The following CNTNAP2 variants were observed in gnomAD, a reference collection of about 807,000 sequenced individuals.
CNTNAP2 encodes contactin-associated protein-like 2.
In CNTNAP2, 98 loss-of-function variants were observed where a neutral mutation model predicts 155.2. The ratio of observed to expected loss-of-function variants is 0.63; its 90% CI spans 0.54 to 0.75. The LOEUF (loss-of-function observed/expected upper bound fraction) is 0.75. Among genes scored for constraint, CNTNAP2 ranks in the 30% least tolerant of loss-of-function variants. The pLI, the probability that CNTNAP2 is intolerant of heterozygous loss-of-function variation, is 0.00. For missense variants in CNTNAP2, 1,727 were observed against 1,688.1 expected, an observed-to-expected ratio of 1.02 and a Z score of -0.40; for synonymous variants, 651 against 631.2, an observed-to-expected ratio of 1.03 and a Z score of -0.47.
chr7:147,587,799 G>A (rs2116838367), intron 12 of CNTNAP2, among the ~76,000 whole-genome samples: 1 of 152,178 alleles, frequency 6.6e-6, no homozygotes, highest in African/African-American at 2.4e-5. Context: ...CCTGGCATTT[G>A]TTTTTAAAAA....
intron 1 of CNTNAP2, among the ~76,000 whole-genome samples, chr7:146,179,554 T>C (rs1387614232): frequency 6.6e-6 from 1 of 152,084 alleles, no homozygotes; most frequent in African/African-American, 2.4e-5. Flanking sequence ...CACACACAAA[T>C]AGCATGTTTT....
chr7:146,799,676 C>A (rs561260938), intron 2 of CNTNAP2, among the ~76,000 whole-genome samples: 1 of 152,270 alleles, frequency 6.6e-6, no homozygotes, highest in East Asian at 1.9e-4. Flanking sequence ...GCAGCTGACT[C>A]CTCCACACAA....
intron 2 of CNTNAP2, among the ~76,000 whole-genome samples, chr7:146,795,912 C>T (rs1356201352): frequency 6.6e-6 from 1 of 152,096 alleles, no homozygotes; most frequent in Non-Finnish European, 1.5e-5. Flanking sequence ...TGTCCATAAA[C>T]ATCATCACTG....
chr7:147,424,990 A>G (rs545869300), intron 10 of CNTNAP2, among the ~76,000 whole-genome samples: 1 of 152,218 alleles, frequency 6.6e-6, no homozygotes, highest in East Asian at 1.9e-4. Context: ...GACTGCTGCA[A>G]TAACCTTCCA....
chr7:146,122,248 T>C (rs978180103), intron 1 of CNTNAP2, among the ~76,000 whole-genome samples: 2 of 152,230 alleles, frequency 1.3e-5, no homozygotes, highest in Non-Finnish European at 2.9e-5. Context: ...TAGATAAAAG[T>C]AGGCTTTGCC....
rs373565086 is a variant in CNTNAP2, at chr7:148,239,082, C to G, written c.3381+9303C>G. On this transcript the variant is annotated intron_variant, in intron 20 of 23. Transcript: ENST00000361727. ...ATTTACTGTAACTCCTTCCCTTTGG[C>G]TAATTTAGTTTTTATCTACTCTGGA... Among the ~76,000 whole-genome samples the G allele has an allele frequency of 4.9e-4, 74 of 152,278 alleles. 1 individual carries two copies. Among genetic ancestry groups the G allele is most frequent in the African/African-American group, 1.3e-3 (54 of 41,566 alleles).
At chr7:147,148,394 A>G (rs1801755289) in intron 8 of CNTNAP2, among the ~76,000 whole-genome samples, 1 of 149,998 alleles carries the variant, frequency 6.7e-6, no homozygotes, top group African/African-American at 2.5e-5. Context: ...CGTCTCAAAA[A>G]AAAAAAAAAA....
At chr7:148,022,126 A>G (rs1802289352) in intron 15 of CNTNAP2, among the ~76,000 whole-genome samples, 1 of 151,984 alleles carries the variant, frequency 6.6e-6, no homozygotes, top group Non-Finnish European at 1.5e-5. Context: ...CAAGTATTAT[A>G]TGTAAACCTG....
Position 148,096,566 on chromosome 7 carries a change from T to C in CNTNAP2, c.2384-21552T>C, listed in dbSNP as rs34943587. 5.1e-3 allele frequency among the ~76,000 whole-genome samples: 769 copies of C among 152,200 alleles called. 4 individuals carry two copies. Among genetic ancestry groups the C allele is most frequent in the Non-Finnish European group, 8.3e-3 (567 of 67,998 alleles). On this transcript the variant is annotated intron_variant, in intron 15 of 23. Transcript: ENST00000361727. The stretch of plus-strand genomic sequence containing the variant: ...GAATATTCATGAAGCCACCACGTCA[T>C]AAAGGTTTGGTTGATGAATAGTGAG...
chr7:147,455,173 C>T (rs1391985827), intron 10 of CNTNAP2, among the ~76,000 whole-genome samples: 1 of 152,078 alleles, frequency 6.6e-6, no homozygotes, highest in East Asian at 1.9e-4. Context: ...ACTTGATTCA[C>T]CAAAGCTTCT....
In CNTNAP2 at chr7:146,916,112, T is replaced by C. The variant is rs141133367; in HGVS notation, c.402+76208T>C. ...CATTTTAAATTCTGTTTATGTGGTA[T>C]ATCACATTTATTGACTTGTTGATGT... On this transcript the variant is annotated intron_variant, in intron 3 of 23. Coordinates refer to ENST00000361727, the MANE Select transcript of CNTNAP2 (RefSeq NM_014141.6). 2.4e-3 allele frequency among the ~76,000 whole-genome samples: 368 copies of C among 152,278 alleles called. 1 individual carries two copies. The highest frequency in any genetic ancestry group is 7.3e-3 in the African/African-American group (304 of 41,586).
intron 4 of CNTNAP2, among the ~76,000 whole-genome samples, chr7:147,068,935 G>T (rs1799837307): frequency 6.6e-6 from 1 of 152,200 alleles, no homozygotes; most frequent in African/African-American, 2.4e-5. Flanking sequence ...TTGGCTCATG[G>T]TTCTGCAGGC....
At chr7:146,838,402 C>G (rs1364489858) in intron 2 of CNTNAP2, among the ~76,000 whole-genome samples, 1 of 152,206 alleles carries the variant, frequency 6.6e-6, no homozygotes, top group Non-Finnish European at 1.5e-5. Flanking sequence ...ACTGCAACCT[C>G]TGCCTCCCAG....
intron 21 of CNTNAP2, among the ~76,000 whole-genome samples, chr7:148,375,283 T>C (rs1408698582): frequency 6.8e-6 from 1 of 148,098 alleles, no homozygotes; most frequent in African/African-American, 2.5e-5. Flanking sequence ...TATATGTATA[T>C]ATACAACTAT....
intron 2 of CNTNAP2, among the ~76,000 whole-genome samples, chr7:146,777,556 C>T (rs1016768385): frequency 4.0e-5 from 6 of 151,218 alleles, no homozygotes; most frequent in Non-Finnish European, 8.8e-5. Context: ...ATAGTTGTTA[C>T]AATACAAAAC....
At chr7:147,985,642 T>C (rs1801607679) in intron 15 of CNTNAP2, among the ~76,000 whole-genome samples, 1 of 152,158 alleles carries the variant, frequency 6.6e-6, no homozygotes, top group Non-Finnish European at 1.5e-5. Flanking sequence ...ACTGATCTTT[T>C]TCCACTTACT....
At chr7:146,549,616 A>G (rs769874319) in intron 1 of CNTNAP2, among the ~76,000 whole-genome samples, 1 of 152,008 alleles carries the variant, frequency 6.6e-6, no homozygotes, top group Non-Finnish European at 1.5e-5. Context: ...ATTATTATTT[A>G]AAAACTATTT....
chr7:148,186,307 T>G (rs527970782), intron 18 of CNTNAP2, among the ~76,000 whole-genome samples: 8 of 152,246 alleles, frequency 5.3e-5, no homozygotes, highest in Non-Finnish European at 1.0e-4. Context: ...GGCATTGATA[T>G]GATCACCTTT....
chr7:147,820,169 A>C (rs1798339691), intron 13 of CNTNAP2, among the ~76,000 whole-genome samples: 1 of 152,124 alleles, frequency 6.6e-6, no homozygotes, highest in Admixed American at 6.6e-5. Flanking sequence ...TGCAGCCGTC[A>C]GAGTTTTAAT....
Sources: allele counts gnomAD v4.1 joint callset (sites outside exome capture counted in the v4.1 genomes callset), GRCh38; gene constraint gnomAD v4.1.1; transcripts MANE v1.5; gene names NCBI Gene and HGNC (gene_info 2026-07-23, HGNC 2026-07-21).